TM4SF5: variants seen among roughly 807,000 people sequenced by gnomAD.
The protein encoded by TM4SF5 is transmembrane 4 L six family member 5, also known as transmembrane 4 L6 family member 5.
In TM4SF5, 16 loss-of-function variants were observed where a neutral mutation model predicts 22.3. The ratio of observed to expected loss-of-function variants is 0.72; its 90% confidence interval spans 0.49 to 1.09. The LOEUF (loss-of-function observed/expected upper bound fraction) is 1.09, where lower values mean the gene tolerates loss of function less well. TM4SF5 is among the 50% of genes least tolerant of loss of function. The probability of loss-of-function intolerance (pLI) is 0.00; values close to 1 mark genes in which losing one functional copy is unlikely to be tolerated. For missense variants in TM4SF5, 249 were observed against 266.1 expected (o/e 0.94, Z 0.45); for synonymous variants, 113 against 109.6 (o/e 1.03, Z -0.19).
intron 3 of TM4SF5, 70 bp downstream of exon 3, chr17:4,782,709 G>C (rs1404460151): frequency 6.3e-7 from 1 of 1,597,050 alleles, no homozygotes; most frequent in Admixed American, 1.7e-5. Context: ...CCGTGGACTG[G>C]GACACCTGGG....
intron 1 of TM4SF5, among the ~76,000 whole-genome samples, chr17:4,780,534 G>T (rs1345165353): frequency 6.6e-6 from 1 of 152,180 alleles, no homozygotes; most frequent in African/African-American, 2.4e-5. Context: ...CCTACTATGT[G>T]CCAAGATTGG....
chr17:4,778,960 G>T (rs1421589269), intron 1 of TM4SF5, among the ~76,000 whole-genome samples: 1 of 151,782 alleles, frequency 6.6e-6, no homozygotes, highest in Admixed American at 6.6e-5. Flanking sequence ...AGGAGGCTGA[G>T]GCAGGAGAAT....
intron 2 of TM4SF5, 95 bp from the exon 3 acceptor site, chr17:4,782,408 G>A: frequency 1.4e-6 from 2 of 1,467,916 alleles, no homozygotes; most frequent in Non-Finnish European, 9.4e-7. Context: ...AACCCGACTG[G>A]AGCAGATTTC....
At chr17:4,773,071 AT>A (rs1261676328) in intron 1 of TM4SF5, among the ~76,000 whole-genome samples, 2 of 151,758 alleles carry the variant, frequency 1.3e-5, no homozygotes, top group African/African-American at 4.8e-5. Flanking sequence ...CACCCAGCTA[AT>A]TTTTGCATTT....
chr17:4,782,783 G>A, intron 3 of TM4SF5, 71 bp from the exon 4 acceptor site: 2 of 1,575,320 alleles, frequency 1.3e-6, no homozygotes, highest in Non-Finnish European at 8.6e-7. Context: ...AATCCCCTGG[G>A]ACGTATTCTT....
intron 2 of TM4SF5, among the ~76,000 whole-genome samples, chr17:4,781,190 C>T (rs913185867): frequency 1.4e-5 from 2 of 147,292 alleles, no homozygotes; most frequent in African/African-American, 2.5e-5. Context: ...ATTAGCCAGG[C>T]GTGGTGGCGG....
intron 1 of TM4SF5, among the ~76,000 whole-genome samples, chr17:4,780,482 T>C (rs1917281587): frequency 1.3e-5 from 2 of 152,174 alleles, no homozygotes; most frequent in Non-Finnish European, 2.9e-5. Context: ...AATCAATTCA[T>C]AGCATGTGAA....
chr17:4,782,701 G>C (rs557612844), intron 3 of TM4SF5, 62 bp downstream of exon 3: 1 of 1,601,020 alleles, frequency 6.2e-7, no homozygotes, highest in African/African-American at 1.3e-5. Context: ...CCCTTCCCCC[G>C]TGGACTGGGA....
At chr17:4,777,279 C>T (rs1206954073) in intron 1 of TM4SF5, among the ~76,000 whole-genome samples, 1 of 151,766 alleles carries the variant, frequency 6.6e-6, no homozygotes, top group African/African-American at 2.4e-5. Flanking sequence ...TTGGACTAGG[C>T]CAGTGGCTAT....
At chr17:4,780,946 G>A (rs913020691) in intron 2 of TM4SF5, 77 bp downstream of exon 2, 3 of 1,285,070 alleles carry the variant, frequency 2.3e-6, no homozygotes, top group South Asian at 2.6e-5. Flanking sequence ...TTAGCAGGCT[G>A]AGGTGGGAGT....
rs997217425 is a variant in TM4SF5 at position 4,782,537 on chromosome 17, T to C, written c.293T>C (p.Val98Ala). 1.2e-6 allele frequency: 2 copies of C among 1,613,818 alleles called. No individual in the cohort carries two copies. Among genetic ancestry groups the C allele is most frequent in the Admixed American group, 3.3e-5 (2 of 59,960 alleles). ...LRSVFSSAFG[V>A]LGAIYCLSVS... ...TCGGTCTTCTCCTCGGCGTTCGGGGTGCTTGGTGCCATCTACTGCCTCTCG... is the reference window on the plus strand; with the variant it reads ...TCGGTCTTCTCCTCGGCGTTCGGGGCGCTTGGTGCCATCTACTGCCTCTCG... The change falls in exon 3 of 5, where the codon GTG (valine) becomes GCG (alanine). Residue 98 changes from valine to alanine, a missense_variant. Physicochemically the swap from Val to Ala is moderately conservative, Grantham distance 64. Coordinates refer to ENST00000270560, the MANE Select transcript of TM4SF5 (RefSeq NM_003963.3).
At position 4,780,148 on chromosome 17, in the gene TM4SF5, C is replaced by CAG. The variant is rs536897431; in HGVS notation, c.178-640_178-639dup. ...TCAGCTCACCACAACCTCCACCTCCCAGGTTCAAGTAATTCTCCTGCCTCA... is the reference window on the plus strand; with the variant it reads ...TCAGCTCACCACAACCTCCACCTCCCAGAGGTTCAAGTAATTCTCCTGCCTCA... On this transcript the variant is annotated intron_variant, in intron 1 of 4. Transcript: ENST00000270560. Among the ~76,000 whole-genome samples, 268 of 151,742 alleles carry CAG rather than the reference C, an allele frequency of 1.8e-3. 1 individual carries two copies. Among genetic ancestry groups the CAG allele is most frequent in the Non-Finnish European group, 2.3e-3 (154 of 67,922 alleles).
intron 1 of TM4SF5, 140 bp downstream of exon 1, chr17:4,772,239 C>T: frequency 9.4e-7 from 1 of 1,067,072 alleles, no homozygotes; most frequent in Non-Finnish European, 1.3e-6. Flanking sequence ...TAGCAGCCCT[C>T]TGGAGTCAGT....
intron 1 of TM4SF5, among the ~76,000 whole-genome samples, chr17:4,773,500 T>C (rs1208548791): frequency 1.3e-5 from 2 of 152,182 alleles, no homozygotes; most frequent in African/African-American, 4.8e-5. Context: ...AGTTCCCCAC[T>C]TCTCAGGACA....
At chr17:4,773,553 C>T (rs1440529158) in intron 1 of TM4SF5, among the ~76,000 whole-genome samples, 1 of 152,122 alleles carries the variant, frequency 6.6e-6, no homozygotes, top group Non-Finnish European at 1.5e-5. Flanking sequence ...CCCTTGGTCC[C>T]TTTTGCTGGT....
chr17:4,777,745 G>T (rs141879761), intron 1 of TM4SF5, among the ~76,000 whole-genome samples: 1 of 151,934 alleles, frequency 6.6e-6, no homozygotes, highest in South Asian at 2.1e-4. Context: ...TTAGCAGGGC[G>T]TGGTGGCGCA....
chr17:4,777,196 CAA>C (rs57674866), intron 1 of TM4SF5, among the ~76,000 whole-genome samples: 28 of 101,282 alleles, frequency 2.8e-4, no homozygotes, highest in Admixed American at 6.3e-4. Flanking sequence ...GACTCCATCT[CAA>C]AAAAAAAAAA....
At chr17:4,777,089 C>G (rs1037432383) in intron 1 of TM4SF5, among the ~76,000 whole-genome samples, 2 of 151,286 alleles carry the variant, frequency 1.3e-5, no homozygotes, top group Non-Finnish European at 2.9e-5. Context: ...CCCAGCTACT[C>G]GGAAGGCTGA....
At position 4,783,020 on chromosome 17, in the gene TM4SF5, G is replaced by T. The variant is rs779765905; in HGVS notation, c.562G>T (p.Asp188Tyr). The T allele has an allele frequency of 1.9e-6, 3 of 1,614,160 alleles. No homozygotes were observed. The highest frequency in any genetic ancestry group is 2.5e-6 in the Non-Finnish European group (3 of 1,179,998). The change falls in exon 4 of 5, where the codon GAT (aspartate) becomes TAT (tyrosine). Residue 188 changes from aspartate (D) to tyrosine (Y), a missense_variant. Physicochemically the swap from Asp to Tyr is radical, Grantham distance 160. Coordinates refer to ENST00000270560, the MANE Select transcript of TM4SF5 (RefSeq NM_003963.3). ...VNATIGVFCGDCRKKQDTPH is the reference protein window; with the variant it reads ...VNATIGVFCGYCRKKQDTPH ...CGCGACCATTGGTGTCTTCTGCGGCGATTGCAGGAAAAAACAGGTGAAATT... is the reference window on the plus strand; with the variant it reads ...CGCGACCATTGGTGTCTTCTGCGGCTATTGCAGGAAAAAACAGGTGAAATT...
Sources: allele counts gnomAD v4.1 joint callset (sites outside exome capture counted in the v4.1 genomes callset), GRCh38; gene constraint gnomAD v4.1.1; transcripts MANE v1.5; gene names NCBI Gene and HGNC (gene_info 2026-07-23, HGNC 2026-07-21).